Variants in CPNE3 observed in about 807,000 individuals in gnomAD.
CPNE3 encodes copine-3.
CPNE3 carries 68 observed loss-of-function variants against 63.9 expected under a neutral mutation model. The ratio of observed to expected loss-of-function variants is 1.06; its 90% CI spans 0.87 to 1.30. CPNE3 has a LOEUF of 1.30. CPNE3 is among the 50% of genes most tolerant of loss of function. The probability of loss-of-function intolerance (pLI) is 0.00; values close to 1 mark genes in which losing one functional copy is unlikely to be tolerated. For missense variants in CPNE3, 665 were observed against 578.1 expected (o/e 1.15, Z -1.54); for synonymous variants, 219 against 197.5 (o/e 1.11, Z -0.91).
Position 86,528,101 on chromosome 8 carries a change from A to G in CPNE3, c.-10-435A>G, listed in dbSNP as rs536732881. ...GTAGCTGGGATTATAGGCACACACC[A>G]CCATGCTTGGCTAATTTTTTTTATT... is the stretch of plus-strand genomic sequence containing the variant. On this transcript the variant is annotated intron_variant, in intron 2 of 16. Coordinates refer to ENST00000517490, the MANE Select transcript of CPNE3 (RefSeq NM_003909.5). Among the ~76,000 whole-genome samples the G allele has an allele frequency of 9.6e-4, 146 of 151,598 alleles. 1 individual carries two copies. In the Middle Eastern group the frequency reaches 0.01, roughly 11 times the overall value.
chr8:86,531,277 G>C (rs1482635001), intron 5 of CPNE3, 48 bp downstream of exon 5: 2 of 854,826 alleles, frequency 2.3e-6, no homozygotes, highest in Admixed American at 1.7e-5. Context: ...TAGCATAACA[G>C]GACATGCCGA....
chr8:86,530,788 T>G (rs2131446218), intron 4 of CPNE3, among the ~76,000 whole-genome samples: 2 of 151,800 alleles, frequency 1.3e-5, no homozygotes, highest in East Asian at 3.9e-4. Flanking sequence ...GCCTCCTGAA[T>G]TCAAGTGATT....
At chr8:86,557,364 G>A (rs1315592863) in intron 16 of CPNE3, among the ~76,000 whole-genome samples, 1 of 152,094 alleles carries the variant, frequency 6.6e-6, no homozygotes, top group Admixed American at 6.6e-5. Flanking sequence ...TCAAACTCCT[G>A]GCCTCAAGTG....
chr8:86,525,739 T>C (rs1338016982), intron 2 of CPNE3, among the ~76,000 whole-genome samples: 1 of 152,228 alleles, frequency 6.6e-6, no homozygotes, highest in African/African-American at 2.4e-5. Context: ...CCTTGGAAAT[T>C]TGAAGACTTT....
chr8:86,527,453 G>A (rs780353505), intron 2 of CPNE3, among the ~76,000 whole-genome samples: 17 of 152,284 alleles, frequency 1.1e-4, no homozygotes, highest in South Asian at 1.0e-3. Flanking sequence ...ATTGGAGACT[G>A]GGGAAGGAGG....
chr8:86,528,736 A>T (rs985752779), intron 3 of CPNE3, 59 bp downstream of exon 3: 1 of 1,533,200 alleles, frequency 6.5e-7, no homozygotes, highest in African/African-American at 1.4e-5. Flanking sequence ...CAATGTGAAG[A>T]GTTTTTTTAA....
At chr8:86,553,290 T>C (rs1821235120) in intron 14 of CPNE3, among the ~76,000 whole-genome samples, 1 of 152,118 alleles carries the variant, frequency 6.6e-6, no homozygotes, top group East Asian at 1.9e-4. Flanking sequence ...AGACTACCTG[T>C]TCCTAAATTC....
chr8:86,539,442 A>T (rs1172332903), intron 7 of CPNE3, among the ~76,000 whole-genome samples: 2 of 152,142 alleles, frequency 1.3e-5, no homozygotes, highest in African/African-American at 2.4e-5. Flanking sequence ...TATGCCTTTT[A>T]AGTGGACACA....
intron 7 of CPNE3, among the ~76,000 whole-genome samples, chr8:86,538,608 A>G (rs1027317538): frequency 2.0e-5 from 3 of 152,120 alleles, no homozygotes; most frequent in Admixed American, 6.6e-5. Context: ...TATATTCCCA[A>G]TAGAGGACTC....
chr8:86,546,691 C>T lies in CPNE3; in HGVS notation c.819+10C>T, dbSNP rs1821059398. The T allele has an allele frequency of 2.5e-6, 4 of 1,583,028 alleles. No individual in the cohort carries two copies. The highest frequency in any genetic ancestry group is 1.7e-4 in the Middle Eastern group (1 of 5,934). On this transcript the variant is annotated intron_variant, in intron 10 of 16. Coordinates refer to ENST00000517490, the MANE Select transcript of CPNE3 (RefSeq NM_003909.5). ...TGTGAAACAGTGTGAGGTCCGTTGG[C>T]CTTGGCTACTTATTTTTATTTATTT...
At chr8:86,528,768 C>G in intron 3 of CPNE3, 91 bp downstream of exon 3, 1 of 1,450,702 alleles carries the variant, frequency 6.9e-7, no homozygotes, top group Non-Finnish European at 9.2e-7. Context: ...ACAACACTAT[C>G]TCATCTGTTA....
At chr8:86,540,387 A>G in intron 8 of CPNE3, 53 bp downstream of exon 8, 1 of 832,124 alleles carries the variant, frequency 1.2e-6, no homozygotes. Context: ...ATGTTCACCT[A>G]TTTTATAAAA....
At chr8:86,555,242 A>C (rs1010420470) in intron 15 of CPNE3, among the ~76,000 whole-genome samples, 2 of 152,162 alleles carry the variant, frequency 1.3e-5, no homozygotes, top group Non-Finnish European at 2.9e-5. Flanking sequence ...ACCAAAAAAA[A>C]AAAAATGCCT....
At chr8:86,541,588 CA>C (rs1270497250) in intron 8 of CPNE3, among the ~76,000 whole-genome samples, 1 of 151,704 alleles carries the variant, frequency 6.6e-6, no homozygotes, top group Non-Finnish European at 1.5e-5. Flanking sequence ...CCTGTGTTCC[CA>C]GCTACTTGGG....
chr8:86,542,941 A>G (rs1820974024), intron 8 of CPNE3, among the ~76,000 whole-genome samples: 1 of 152,116 alleles, frequency 6.6e-6, no homozygotes, highest in Non-Finnish European at 1.5e-5. Context: ...CTCAAATAAA[A>G]TCTTGGCCTT....
intron 10 of CPNE3, 150 bp from the exon 11 acceptor site, chr8:86,547,561 G>C: frequency 3.4e-6 from 2 of 590,256 alleles, no homozygotes; most frequent in Non-Finnish European, 3.0e-6. Flanking sequence ...CATAGGGGAA[G>C]GGGTATCTTA....
chr8:86,540,586 T>C (rs1330956202), intron 8 of CPNE3, among the ~76,000 whole-genome samples: 2 of 152,176 alleles, frequency 1.3e-5, no homozygotes, highest in Non-Finnish European at 2.9e-5. Flanking sequence ...TTATTCTGTA[T>C]TTTAAAAAAT....
chr8:86,519,470 A>G (rs1358689491), intron 2 of CPNE3, among the ~76,000 whole-genome samples: 2 of 152,214 alleles, frequency 1.3e-5, no homozygotes, highest in Non-Finnish European at 2.9e-5. Context: ...AAGAATCTGG[A>G]AACTTTTTGA....
At position 86,528,996 on chromosome 8, in the gene CPNE3, A is replaced by C. The variant is rs752157430; in HGVS notation, c.184A>C (p.Thr62Pro). The part of the protein sequence containing the change: ...KNCLNPQFSK[T>P]FIIDYYFEVV... Reference sequence around the variant, plus strand: ...TTGCTTGAATCCCCAATTTTCCAAGACATTTATTATTGATTACTACTTTGA... The same window carrying C: ...TTGCTTGAATCCCCAATTTTCCAAGCCATTTATTATTGATTACTACTTTGA... The change falls in exon 4 of 17, where the codon ACA (threonine) becomes CCA (proline). Residue 62 changes from threonine to proline, a missense_variant. Physicochemically the swap from Thr to Pro is conservative, Grantham distance 38. Transcript: ENST00000517490. 6.2e-7 allele frequency: 1 copy of C among 1,613,836 alleles called. No individual in the cohort carries two copies. Among genetic ancestry groups the C allele is most frequent in the African/African-American group, 1.3e-5 (1 of 75,038 alleles).
Sources: allele counts gnomAD v4.1 joint callset (sites outside exome capture counted in the v4.1 genomes callset), GRCh38; gene constraint gnomAD v4.1.1; transcripts MANE v1.5; gene names NCBI Gene and HGNC (gene_info 2026-07-23, HGNC 2026-07-21).